Variants in PCDHA6 observed in about 807,000 individuals in gnomAD.
PCDHA6 encodes the protein protocadherin alpha-6.
In PCDHA6, 55 loss-of-function variants were observed where a neutral mutation model predicts 60.3. The observed-to-expected ratio is 0.91, with a 90% CI of 0.73 to 1.14. The LOEUF (loss-of-function observed/expected upper bound fraction) is 1.14. Among genes scored for constraint, PCDHA6 ranks in the 50% most tolerant of loss-of-function variants. The pLI is 0.00. For synonymous variants in PCDHA6, 652 were observed against 557.9 expected, an observed-to-expected ratio of 1.17 and a Z score of -2.38; for missense variants, 1,327 against 1,256.5, an observed-to-expected ratio of 1.06 and a Z score of -0.85.
chr5:140,850,443 C>T, intron 1 of PCDHA6: 4 of 1,597,988 alleles, frequency 2.5e-6, no homozygotes, highest in Non-Finnish European at 3.4e-6. Flanking sequence ...CCTACTGGTG[C>T]TGGTGAAAGA....
chr5:140,974,394 A>G (rs1554236015), intron 1 of PCDHA6, among the ~76,000 whole-genome samples: 1 of 152,212 alleles, frequency 6.6e-6, no homozygotes, highest in Non-Finnish European at 1.5e-5. Context: ...CCCATTAGGT[A>G]TGTTCTAAAG....
intron 1 of PCDHA6, among the ~76,000 whole-genome samples, chr5:140,902,299 A>G (rs2069363932): frequency 6.6e-6 from 1 of 150,916 alleles, no homozygotes; most frequent in Admixed American, 6.6e-5. Flanking sequence ...CAGCCTCCCA[A>G]AGTGCTGGGA....
intron 1 of PCDHA6, chr5:140,854,017 C>T (rs2042943793): frequency 5.7e-6 from 2 of 349,696 alleles, no homozygotes; most frequent in South Asian, 2.3e-4. Flanking sequence ...AAAAAATTAG[C>T]CGGGCATGGT....
intron 1 of PCDHA6, among the ~76,000 whole-genome samples, chr5:140,971,815 A>G (rs988959952): frequency 3.2e-4 from 49 of 152,166 alleles, no homozygotes; most frequent in African/African-American, 1.1e-3. Flanking sequence ...TATTGAATAC[A>G]TATATGATTT....
intron 1 of PCDHA6, chr5:140,849,218 G>T: frequency 9.6e-7 from 1 of 1,040,734 alleles, no homozygotes; most frequent in South Asian, 1.6e-5. Context: ...ATGCCCCAGT[G>T]TTCGACAGAA....
rs138621035 is a variant in PCDHA6 at position 140,848,721 on chromosome 5, G to A, written c.2394+18236G>A. ...TTCCAAAGGCCGCGGGGACCTTCTG[G>A]AGGTAAATCTGCAGAATGGCATTTT... On this transcript the variant is annotated intron_variant, in intron 1 of 3. Coordinates refer to ENST00000529310, the MANE Select transcript of PCDHA6 (RefSeq NM_018909.4). The A allele has an allele frequency of 1.9e-6, 3 of 1,592,458 alleles. No individual in the cohort carries two copies. Among genetic ancestry groups the A allele is most frequent in the African/African-American group, 2.7e-5 (2 of 74,256 alleles).
At chr5:140,954,065 G>A (rs2153701349) in intron 1 of PCDHA6, among the ~76,000 whole-genome samples, 1 of 152,278 alleles carries the variant, frequency 6.6e-6, no homozygotes, top group African/African-American at 2.4e-5. Context: ...TTATTATGCT[G>A]AGGATAATGG....
Position 140,828,480 on chromosome 5 carries a change from C to A in PCDHA6, c.389C>A (p.Pro130Gln), listed in dbSNP as rs2150155804. The A allele has an allele frequency of 6.2e-7, 1 of 1,614,198 alleles. No individual in the cohort carries two copies. The highest frequency in any genetic ancestry group is 1.3e-5 in the African/African-American group (1 of 75,046). ...GAGGTGAGGGACATTAACGACAACCCGCCCTTGTTCCCGGTAGAGGAACAA... is the reference window on the plus strand; with the variant it reads ...GAGGTGAGGGACATTAACGACAACCAGCCCTTGTTCCCGGTAGAGGAACAA... Reference protein sequence around the residue: ...DVEVRDINDNPPLFPVEEQRV... With the variant: ...DVEVRDINDNQPLFPVEEQRV... Residue 130 changes from proline (P) to glutamine (Q), a missense_variant, in exon 1 of 4, where the codon CCG (proline) becomes CAG (glutamine). By Grantham distance (76) the Pro-to-Gln change is moderately conservative (BLOSUM62 -1). Coordinates refer to ENST00000529310, the MANE Select transcript of PCDHA6 (RefSeq NM_018909.4).
At chr5:140,995,903 G>A (rs1554254885) in intron 3 of PCDHA6, among the ~76,000 whole-genome samples, 2 of 152,206 alleles carry the variant, frequency 1.3e-5, no homozygotes, top group East Asian at 1.9e-4. Flanking sequence ...ATGTATAAAA[G>A]AGGAGAGACC....
chr5:140,835,777 A>G (rs2150244519), intron 1 of PCDHA6: 1 of 1,613,276 alleles, frequency 6.2e-7, no homozygotes, highest in Admixed American at 1.7e-5. Context: ...GTGTTCGTGA[A>G]GGAGAACAAC....
At position 140,969,519 on chromosome 5, in the gene PCDHA6, G is replaced by A. The variant is rs1586385280; in HGVS notation, c.2395-9430G>A. On this transcript the variant is annotated intron_variant, in intron 1 of 3. Transcript: ENST00000529310. ...TCTAGAAAAATAGCACTAAAGAATTGTTTTATTTTTCATTTTCAGAGGCAT... is the reference window on the plus strand; with the variant it reads ...TCTAGAAAAATAGCACTAAAGAATTATTTTATTTTTCATTTTCAGAGGCAT... The A allele has an allele frequency of 3.6e-6, 5 of 1,406,074 alleles. No individual in the cohort carries two copies. The East Asian group carries it at 1.3e-4, about 35-fold the overall frequency. 87.1% of individuals were successfully genotyped at this position (1,406,074 alleles called of 1,614,324 possible). A position where few individuals can be genotyped will look rare whatever the true frequency, so the allele number is the denominator to read the frequency against.
chr5:140,838,086 GTGT>G (rs1775518307), intron 1 of PCDHA6, among the ~76,000 whole-genome samples: 1 of 64,264 alleles, frequency 1.6e-5, no homozygotes, highest in Non-Finnish European at 3.1e-5. Context: ...TAGTGTGTGT[GTGT>G]GTGTGTGTGT....
intron 1 of PCDHA6, among the ~76,000 whole-genome samples, chr5:140,974,767 T>C (rs559758887): frequency 1.2e-4 from 18 of 152,098 alleles, no homozygotes; most frequent in Non-Finnish European, 2.4e-4. Flanking sequence ...GGATTACAGG[T>C]ATGAGCCACT....
intron 1 of PCDHA6, chr5:140,877,135 G>A (rs1554169356): frequency 2.5e-6 from 4 of 1,613,790 alleles, no homozygotes; most frequent in Non-Finnish European, 3.4e-6. Flanking sequence ...GCAGGTGTTC[G>A]TGCTGGACGA....
chr5:140,934,612 T>G (rs2089946859), intron 1 of PCDHA6, among the ~76,000 whole-genome samples: 1 of 152,184 alleles, frequency 6.6e-6, no homozygotes, highest in South Asian at 2.1e-4. Flanking sequence ...TTGATTAGCC[T>G]GAGGTACAGT....
chr5:140,878,348 T>G (rs55915538), intron 1 of PCDHA6, among the ~76,000 whole-genome samples: 4,312 of 152,298 alleles, frequency 0.028, 189 homozygotes, highest in African/African-American at 0.098. Flanking sequence ...ATCACAATAA[T>G]ATAAATGATA....
Position 140,828,383 on chromosome 5 carries a change from C to G in PCDHA6, c.292C>G (p.Arg98Gly). 6.2e-7 allele frequency: 1 copy of G among 1,614,256 alleles called. No individual in the cohort carries two copies. Among genetic ancestry groups the G allele is most frequent in the South Asian group, 1.1e-5 (1 of 91,086 alleles). Residue 98 changes from arginine (R) to glycine (G), a missense_variant, in exon 1 of 4, where the codon CGG (arginine) becomes GGG (glycine). Physicochemically the swap from Arg to Gly is moderately radical, Grantham distance 125. Transcript: ENST00000529310. ...GATCGACCGCGAGGAGCTGTGCGGG[C>G]GGAGCGCGGAGTGCAGCATCCACCT... ...SRIDREELCG[R>G]SAECSIHLEV...
chr5:140,884,396 C>CT, intron 1 of PCDHA6: 1 of 1,614,012 alleles, frequency 6.2e-7, no homozygotes, highest in South Asian at 1.1e-5. Flanking sequence ...GGTGTCCAGC[C>CT]TGTTGGTGCT....
At position 140,918,978 on chromosome 5, in the gene PCDHA6, G is replaced by C. The variant is rs1363137172; in HGVS notation, c.2395-59971G>C. On this transcript the variant is annotated intron_variant, in intron 1 of 3. Transcript: ENST00000529310. Reference sequence around the variant, plus strand: ...ACTAAGACAGATATCGTTTAGGTTAGTTGGTTTTTAGTGTTGTTCACATCT... The same window carrying C: ...ACTAAGACAGATATCGTTTAGGTTACTTGGTTTTTAGTGTTGTTCACATCT... Among the ~76,000 whole-genome samples, 5 of 152,204 alleles carry C rather than the reference G, an allele frequency of 3.3e-5. No homozygotes were observed. In the South Asian group the frequency reaches 8.3e-4, roughly 25 times the overall value.
Sources: gnomAD v4.1 joint callset for allele counts (sites outside exome capture counted in the v4.1 genomes callset) on GRCh38, gnomAD v4.1.1 for gene constraint, MANE v1.5 for transcripts, NCBI Gene and HGNC (gene_info 2026-07-23, HGNC 2026-07-21) for gene names.